ACSM3: variants seen among roughly 807,000 people sequenced by gnomAD.
The protein encoded by ACSM3 is acyl-CoA synthetase medium chain family member 3.
Under a neutral mutation model 74.1 loss-of-function variants are expected in ACSM3, and 61 were observed. The ratio of observed to expected loss-of-function variants is 0.82; its 90% CI spans 0.67 to 1.02. The LOEUF (loss-of-function observed/expected upper bound fraction) is 1.02. Ranked by LOEUF, ACSM3 falls within the 50% of genes least tolerant of loss-of-function variation. ACSM3 has a pLI of 0.00. For synonymous variants in ACSM3, 213 were observed against 241.5 expected, an observed-to-expected ratio of 0.88 and a Z score of 1.09; for missense variants, 660 against 697.0, an observed-to-expected ratio of 0.95 and a Z score of 0.60.
intron 1 of ACSM3, among the ~76,000 whole-genome samples, chr16:20,727,179 A>G (rs572033068): frequency 2.0e-5 from 3 of 152,344 alleles, no homozygotes; most frequent in East Asian, 3.9e-4. Context: ...GCCTAGAACA[A>G]TGTCTAACAA....
At chr16:20,697,966 G>T (rs547958818) in intron 1 of ACSM3, among the ~76,000 whole-genome samples, 4 of 152,144 alleles carry the variant, frequency 2.6e-5, no homozygotes, top group Admixed American at 6.5e-5. Context: ...AGGCCGAGGC[G>T]GGCGGATCAC....
intron 12 of ACSM3, among the ~76,000 whole-genome samples, chr16:20,793,145 A>G (rs1367802019): frequency 3.9e-5 from 6 of 152,176 alleles, no homozygotes; most frequent in Non-Finnish European, 2.9e-5. Flanking sequence ...GTTAGAAGGT[A>G]TCCAATCTCA....
chr16:20,750,589 G>C (rs1427781641), intron 2 of ACSM3, among the ~76,000 whole-genome samples: 1 of 152,198 alleles, frequency 6.6e-6, no homozygotes, highest in East Asian at 1.9e-4. Flanking sequence ...TAAAGTGACA[G>C]CCACCTAGGA....
chr16:20,789,459 C>T, intron 9 of ACSM3: 1 of 1,575,266 alleles, frequency 6.3e-7, no homozygotes, highest in Non-Finnish European at 8.7e-7. Flanking sequence ...GGTAAGAGAG[C>T]AAGGCTGTGG....
In ACSM3 at chr16:20,790,619, T is replaced by C. The variant is rs774234626; in HGVS notation, c.1257T>C (p.Pro419=). The C allele has an allele frequency of 1.6e-5, 26 of 1,614,060 alleles. No individual in the cohort carries two copies. Among genetic ancestry groups the C allele is most frequent in the Admixed American group, 3.3e-5 (2 of 60,004 alleles). ...IVDVNGNVLP[P]GQEGDIGIQV... is the part of the protein sequence containing the mutation. ...ATGTAAATGGCAATGTTCTACCTCCTGGACAAGAAGGAGATATTGGCATTC... is the reference window on the plus strand; with the variant it reads ...ATGTAAATGGCAATGTTCTACCTCCCGGACAAGAAGGAGATATTGGCATTC... Residue 419 remains proline (P), a synonymous_variant, in exon 10 of 14, where the codon CCT becomes CCC. Coordinates refer to ENST00000289416, the MANE Select transcript of ACSM3 (RefSeq NM_005622.4). This position sits in a 1 kb window ranked among gnomAD's most constrained non-coding sequence, Gnocchi z 4.0.
chr16:20,766,299 C>G lies in ACSM3; in HGVS notation c.-52+2174C>G, dbSNP rs548531943. Among the ~76,000 whole-genome samples, 16 of 136,906 alleles carry G rather than the reference C, an allele frequency of 1.2e-4. No individual in the cohort carries two copies. In the South Asian group the frequency reaches 3.9e-3, roughly 33 times the overall value. The allele number at this position is 136,906 out of a possible 152,430, so 89.8% of individuals were successfully genotyped here. A position where few individuals can be genotyped will look rare whatever the true frequency, so the allele number is the denominator to read the frequency against. ...AACTCAAGTGACCATTGATAGGGGACCGGTTTAAGAAATGACAGTGCAGTT... is the reference window on the plus strand; with the variant it reads ...AACTCAAGTGACCATTGATAGGGGAGCGGTTTAAGAAATGACAGTGCAGTT... On this transcript the variant is annotated intron_variant, in intron 1 of 13. Coordinates refer to ENST00000289416, the MANE Select transcript of ACSM3 (RefSeq NM_005622.4).
intron 1 of ACSM3, 115 bp downstream of exon 1, chr16:20,764,240 G>T (rs2080101457): frequency 6.6e-6 from 1 of 152,188 alleles, no homozygotes. Context: ...TGTCATTAAA[G>T]TCTTGGGCAG....
At chr16:20,703,987 C>T (rs914597951) in intron 1 of ACSM3, 4 of 151,982 alleles carry the variant, frequency 2.6e-5, no homozygotes, top group African/African-American at 7.2e-5. Flanking sequence ...TGACACTTAG[C>T]GAGAGTATTA....
intron 12 of ACSM3, among the ~76,000 whole-genome samples, chr16:20,794,378 T>TA (rs774108964): frequency 1.1e-4 from 17 of 152,220 alleles, no homozygotes; most frequent in Non-Finnish European, 2.5e-4. Context: ...TGTTAAGACT[T>TA]ATGCAGTGAT....
At chr16:20,772,452 G>A (rs890897827) in intron 2 of ACSM3, among the ~76,000 whole-genome samples, 8 of 152,048 alleles carry the variant, frequency 5.3e-5, no homozygotes, top group African/African-American at 1.7e-4. Context: ...ATGACTTGAA[G>A]CATTTACACT....
rs563957409 is a variant in ACSM3 at position 20,765,792 on chromosome 16, TAATA to T, written c.-52+1673_-52+1676del. 1.4e-4 allele frequency among the ~76,000 whole-genome samples: 22 copies of T among 152,360 alleles called. 1 individual carries two copies. In the South Asian group the frequency reaches 3.7e-3, roughly 26 times the overall value. On this transcript the variant is annotated intron_variant, in intron 1 of 13. Transcript: ENST00000289416. The stretch of plus-strand genomic sequence containing the variant: ...TTCCTTGTCTGTAAAATGAAAATAC[TAATA>T]AATAACTGCAAAATGCTTAACAGTA...
At chr16:20,776,152 T>C (rs913844454) in intron 3 of ACSM3, 103 bp downstream of exon 3, 39 of 1,292,076 alleles carry the variant, frequency 3.0e-5, no homozygotes, top group South Asian at 1.9e-4. Flanking sequence ...TGTGGGCTTA[T>C]TGTCAAAGAG....
intron 1 of ACSM3, among the ~76,000 whole-genome samples, chr16:20,710,251 G>A (rs2152375713): frequency 6.6e-6 from 1 of 152,228 alleles, no homozygotes; most frequent in East Asian, 1.9e-4. Flanking sequence ...CCCAGCTATG[G>A]CCAAATCTCA....
chr16:20,797,177 A>G lies in ACSM3; in HGVS notation c.*205A>G, dbSNP rs2080739370. ...CCTCCACATTAGTGTCAATGTTCCT[A>G]TCATTTCTTAATATAAAAATAATAC... is the stretch of plus-strand genomic sequence containing the variant. On this transcript the variant is annotated 3_prime_UTR_variant, in exon 14 of 14. Transcript: ENST00000289416. The G allele has an allele frequency of 5.4e-6, 7 of 1,292,286 alleles. No individual in the cohort carries two copies. Among genetic ancestry groups the G allele is most frequent in the South Asian group, 2.1e-5 (1 of 48,414 alleles). The allele number at this position is 1,292,286 out of a possible 1,614,324, so 80.1% of individuals were successfully genotyped here.
At chr16:20,756,242 T>A (rs2080030664) in intron 3 of ACSM3, among the ~76,000 whole-genome samples, 1 of 151,934 alleles carries the variant, frequency 6.6e-6, no homozygotes, top group African/African-American at 2.4e-5. Flanking sequence ...TAGTTTACAG[T>A]CCCACCAACA....
chr16:20,734,022 T>C (rs549488354), intron 1 of ACSM3: 4 of 152,270 alleles, frequency 2.6e-5, no homozygotes, highest in Admixed American at 1.3e-4. Flanking sequence ...TGAAAACAAG[T>C]CTTTTAATGA....
intron 1 of ACSM3, chr16:20,737,960 A>C: frequency 6.4e-7 from 1 of 1,572,772 alleles, no homozygotes; most frequent in Non-Finnish European, 8.6e-7. Flanking sequence ...TCAGGCTCTT[A>C]AGAAAAAAAA....
chr16:20,711,317 G>C (rs560731803), intron 1 of ACSM3, among the ~76,000 whole-genome samples: 16 of 152,280 alleles, frequency 1.1e-4, no homozygotes, highest in African/African-American at 3.8e-4. Flanking sequence ...ATCTCTCAGG[G>C]ATCAGAGTCT....
At chr16:20,767,882 G>A (rs548616361) in intron 1 of ACSM3, among the ~76,000 whole-genome samples, 62 of 152,292 alleles carry the variant, frequency 4.1e-4, no homozygotes, top group Non-Finnish European at 6.6e-4. Context: ...ATAACTAAAA[G>A]AGGAACACTA....
Sources: allele counts gnomAD v4.1 joint callset (sites outside exome capture counted in the v4.1 genomes callset), GRCh38; gene constraint gnomAD v4.1.1; non-coding constraint Gnocchi (gnomAD v3.1); transcripts MANE v1.5; gene names NCBI Gene and HGNC (gene_info 2026-07-23, HGNC 2026-07-21).